DLGAP2: variants seen among roughly 807,000 people sequenced by gnomAD.
DLGAP2 encodes DLG associated protein 2, also known as disks large-associated protein 2.
In DLGAP2, 26 loss-of-function variants were observed where a neutral mutation model predicts 100.3. The ratio of observed to expected loss-of-function variants is 0.26; its 90% confidence interval spans 0.19 to 0.36. The LOEUF is 0.36. Ranked by LOEUF, DLGAP2 falls within the 10% of genes least tolerant of loss-of-function variation. DLGAP2 has a pLI of 1.00. For synonymous variants in DLGAP2, 886 were observed against 630.1 expected (o/e 1.41, Z -6.08); for missense variants, 1,858 against 1,453.2 (o/e 1.28, Z -4.53).
chr8:1,308,932 A>G (rs1203777944), intron 3 of DLGAP2, among the ~76,000 whole-genome samples: 3 of 152,322 alleles, frequency 2.0e-5, no homozygotes, highest in Non-Finnish European at 4.4e-5. Flanking sequence ...TTTTTTAAAG[A>G]AAACAGCAGA....
At chr8:1,320,868 CGT>C (rs945437920) in intron 3 of DLGAP2, among the ~76,000 whole-genome samples, 5 of 152,078 alleles carry the variant, frequency 3.3e-5, no homozygotes, top group East Asian at 1.9e-4. Flanking sequence ...TGTTTGCATT[CGT>C]GTGTGTGTGC....
At position 845,258 on chromosome 8, in the gene DLGAP2, C is replaced by T. The variant is rs148453253; in HGVS notation, c.19-62654C>T. On this transcript the variant is annotated intron_variant, in intron 1 of 14. Transcript: ENST00000637795. ...GTTGCAGCATGAGTTTACGTTTCTG[C>T]CAGTCGTATAGGAGGGTTCTGATTT... is the stretch of plus-strand genomic sequence containing the variant. Among the ~76,000 whole-genome samples, 13 of 152,286 alleles carry T rather than the reference C, an allele frequency of 8.5e-5. No homozygotes were observed. The East Asian group carries it at 2.5e-3, about 29-fold the overall frequency.
chr8:1,574,321 G>A (rs963879193), intron 6 of DLGAP2, among the ~76,000 whole-genome samples: 2 of 152,132 alleles, frequency 1.3e-5, no homozygotes, highest in Non-Finnish European at 2.9e-5. Context: ...TGCAGGACTT[G>A]TAATACACCA....
intron 3 of DLGAP2, among the ~76,000 whole-genome samples, chr8:1,309,767 G>A (rs4876093): frequency 0.55 from 83,226 of 152,152 alleles, 23,163 homozygotes; most frequent in Non-Finnish European, 0.58. Flanking sequence ...ATAAGTGTAC[G>A]TCTATGTTAC....
At chr8:935,587 G>T (rs774887770) in intron 2 of DLGAP2, among the ~76,000 whole-genome samples, 19 of 152,240 alleles carry the variant, frequency 1.2e-4, no homozygotes, top group African/African-American at 4.6e-4. Context: ...TCTCTTGGAC[G>T]GTGTGGCTCT....
At chr8:901,759 G>C (rs920338728) in intron 1 of DLGAP2, among the ~76,000 whole-genome samples, 1 of 152,236 alleles carries the variant, frequency 6.6e-6, no homozygotes, top group Non-Finnish European at 1.5e-5. Context: ...CTGTGGCAGC[G>C]TCGTTCTCCT....
intron 3 of DLGAP2, among the ~76,000 whole-genome samples, chr8:1,329,914 G>A (rs1801109896): frequency 6.6e-6 from 1 of 152,238 alleles, no homozygotes; most frequent in Non-Finnish European, 1.5e-5. Context: ...GCAAGCTGCA[G>A]CCGCCCTGCC....
intron 6 of DLGAP2, among the ~76,000 whole-genome samples, chr8:1,569,312 G>A (rs1278459258): frequency 2.6e-5 from 4 of 152,220 alleles, no homozygotes; most frequent in African/African-American, 7.2e-5. Flanking sequence ...TGCCAAACTC[G>A]ATTTATACGT....
At chr8:959,007 C>G (rs555318938) in intron 2 of DLGAP2, among the ~76,000 whole-genome samples, 2 of 152,188 alleles carry the variant, frequency 1.3e-5, no homozygotes, top group African/African-American at 4.8e-5. Flanking sequence ...TGTCTTTCCA[C>G]GGATACAATC....
intron 3 of DLGAP2, among the ~76,000 whole-genome samples, chr8:1,364,668 G>A (rs987078882): frequency 6.6e-6 from 1 of 152,212 alleles, no homozygotes; most frequent in African/African-American, 2.4e-5. Context: ...AATTGCTCTG[G>A]GCAAAGCTCG....
intron 2 of DLGAP2, among the ~76,000 whole-genome samples, chr8:1,030,771 G>C (rs1801949011): frequency 6.6e-6 from 1 of 152,178 alleles, no homozygotes; most frequent in Admixed American, 6.5e-5. Flanking sequence ...CCAGGTTATT[G>C]AGGTTTTGTG....
chr8:1,485,301 G>T lies in DLGAP2; in HGVS notation c.107-16065G>T, dbSNP rs564694690. Among the ~76,000 whole-genome samples, 3 of 152,298 alleles carry T rather than the reference G, an allele frequency of 2.0e-5. No homozygotes were observed. The South Asian group carries it at 6.2e-4, about 32-fold the overall frequency. On this transcript the variant is annotated intron_variant, in intron 3 of 14. Transcript: ENST00000637795. ...TGTAAAATGCAGCTAATGAATTGCA[G>T]ATTTTTTCATATCATTTTTCCACCT...
intron 1 of DLGAP2, among the ~76,000 whole-genome samples, chr8:812,614 T>C (rs1247542508): frequency 6.6e-6 from 1 of 152,216 alleles, no homozygotes; most frequent in Non-Finnish European, 1.5e-5. Context: ...TTCAATTAAA[T>C]CTGTAATTAT....
intron 2 of DLGAP2, among the ~76,000 whole-genome samples, chr8:1,075,167 C>G (rs1332306165): frequency 3.3e-5 from 5 of 152,226 alleles, no homozygotes; most frequent in African/African-American, 1.2e-4. Context: ...CAAACAGCCC[C>G]TCCTTTTCGG....
intron 3 of DLGAP2, among the ~76,000 whole-genome samples, chr8:1,363,515 C>G (rs547583138): frequency 1.7e-4 from 26 of 152,368 alleles, no homozygotes; most frequent in African/African-American, 6.3e-4. Flanking sequence ...CTGGCAGGAG[C>G]TCAGGGCACG....
intron 2 of DLGAP2, among the ~76,000 whole-genome samples, chr8:1,054,192 G>C (rs184374082): frequency 6.6e-6 from 1 of 150,770 alleles, no homozygotes; most frequent in Admixed American, 6.6e-5. Context: ...ACATGTACAC[G>C]CACGCACACA....
chr8:1,251,984 C>G (rs906633891), intron 2 of DLGAP2, among the ~76,000 whole-genome samples: 14 of 152,234 alleles, frequency 9.2e-5, no homozygotes, highest in Non-Finnish European at 2.1e-4. Context: ...ACACTTGTCA[C>G]ACTGTGGTGT....
chr8:1,607,031 A>G (rs1796823338), intron 6 of DLGAP2, among the ~76,000 whole-genome samples: 1 of 152,222 alleles, frequency 6.6e-6, no homozygotes, highest in African/African-American at 2.4e-5. Context: ...TCTCCTGGGC[A>G]TATACCAAGG....
chr8:1,604,144 C>G (rs1420962709), intron 6 of DLGAP2, among the ~76,000 whole-genome samples: 1 of 152,182 alleles, frequency 6.6e-6, no homozygotes, highest in African/African-American at 2.4e-5. Context: ...AGACACTGTT[C>G]ACATATGGCC....
Sources: gnomAD v4.1 joint callset for allele counts (sites outside exome capture counted in the v4.1 genomes callset) on GRCh38, gnomAD v4.1.1 for gene constraint, MANE v1.5 for transcripts, NCBI Gene and HGNC (gene_info 2026-07-23, HGNC 2026-07-21) for gene names.